The following SHPRH variants were observed in gnomAD, a reference collection of about 807,000 sequenced individuals.
SHPRH encodes the protein SNF2 histone linker PHD RING helicase, also known as E3 ubiquitin-protein ligase SHPRH.
Under a neutral mutation model 202.5 loss-of-function variants are expected in SHPRH, and 106 were observed. That is an observed-to-expected ratio of 0.52 (90% CI 0.45 to 0.62). The LOEUF (loss-of-function observed/expected upper bound fraction) is 0.62, where lower values mean the gene tolerates loss of function less well. SHPRH is among the 20% of genes least tolerant of loss of function. SHPRH has a pLI of 0.00. For synonymous variants in SHPRH, 729 were observed against 686.0 expected, an observed-to-expected ratio of 1.06 and a Z score of -0.98; for missense variants, 1,710 against 2,020.0, an observed-to-expected ratio of 0.85 and a Z score of 2.94.
chr6:145,925,314 A>C (rs180673006), intron 16 of SHPRH, among the ~76,000 whole-genome samples: 41 of 150,270 alleles, frequency 2.7e-4, no homozygotes, highest in Admixed American at 8.1e-4. Context: ...CTGAAGCCCT[A>C]AGAAAGTAGA....
Position 145,950,917 on chromosome 6 carries a change from G to T in SHPRH, c.764-435C>A, listed in dbSNP as rs150460437. ...TTTATAAACATTTGAGGAACTCAAT[G>T]TGAATACTGTTTGAAGTTTATATAG... On this transcript the variant is annotated intron_variant, in intron 3 of 29. Transcript: ENST00000275233. Among the ~76,000 whole-genome samples, 670 of 152,186 alleles carry T rather than the reference G, an allele frequency of 4.4e-3. 5 individuals are homozygous for T. Among genetic ancestry groups the T allele is most frequent in the African/African-American group, 0.015 (619 of 41,528 alleles).
chr6:145,902,428 A>C (rs1191912266), intron 25 of SHPRH, among the ~76,000 whole-genome samples: 1 of 152,152 alleles, frequency 6.6e-6, no homozygotes, highest in African/African-American at 2.4e-5. Context: ...ACTTTGAATT[A>C]CAAGTTGTTA....
rs373394990 is a variant in SHPRH at position 145,869,125 on chromosome 6, G to A, written c.222-4634C>T. Among the ~76,000 whole-genome samples, 42 of 152,204 alleles carry A rather than the reference G, an allele frequency of 2.8e-4. 1 individual carries two copies. In the South Asian group the frequency reaches 4.6e-3, roughly 17 times the overall value. On this transcript the variant is annotated intron_variant, in intron 2 of 2. Transcript: ENST00000417762. Reference sequence around the variant, plus strand: ...ATCTTGTTTCAATCTGCATTTCCCCGATGCATTCACCATCTATTTCCTTTT... The same window carrying A: ...ATCTTGTTTCAATCTGCATTTCCCCAATGCATTCACCATCTATTTCCTTTT...
intron 17 of SHPRH, 93 bp downstream of exon 17, chr6:145,924,646 A>AT (rs1450858358): frequency 1.0e-5 from 10 of 990,962 alleles, no homozygotes; most frequent in Admixed American, 2.0e-5. Context: ...TTCAAAATGT[A>AT]TAAGAAATTC....
chr6:145,862,431 AAC>A (rs1484756145), downstream of SHPRH, among the ~76,000 whole-genome samples: 1 of 140,734 alleles, frequency 7.1e-6, no homozygotes, highest in Non-Finnish European at 1.5e-5. Context: ...AACAAAACAA[AAC>A]AAAACAAAAA....
At chr6:145,949,396 C>T (rs542790733) in intron 4 of SHPRH, among the ~76,000 whole-genome samples, 6 of 152,110 alleles carry the variant, frequency 3.9e-5, no homozygotes, top group African/African-American at 1.4e-4. Context: ...CCATGGAATA[C>T]TATACAGCCA....
At position 145,894,249 on chromosome 6, in the gene SHPRH, AAAC is replaced by A; in HGVS notation, c.4609-16_4609-14del. 5.1e-6 allele frequency: 8 copies of A among 1,565,382 alleles called. No individual in the cohort carries two copies. The highest frequency in any genetic ancestry group is 6.9e-6 in the Non-Finnish European group (8 of 1,155,846). On this transcript the variant is annotated splice_polypyrimidine_tract_variant and intron_variant, in intron 26 of 29. Transcript: ENST00000275233. ...ATACATCTTGCCACTAGAACACATA[AAAC>A]AATAAGAAAACCAATATTTACACGT... is the stretch of plus-strand genomic sequence containing the variant.
At chr6:145,906,482 G>T (rs1782971090) in intron 25 of SHPRH, 1 of 152,020 alleles carries the variant, frequency 6.6e-6, no homozygotes, top group East Asian at 1.9e-4. Context: ...ATTTATACCT[G>T]TTATTTGACT....
chr6:145,927,278 C>G lies in SHPRH; in HGVS notation c.3113-1G>C. On this transcript the variant is annotated splice_acceptor_variant, in intron 14 of 29. Transcript: ENST00000275233. LOFTEE classifies it high-confidence loss of function. ...AATTCTGCTGCCAAGGCATACTCACCTAAAGAATTAAAATGTATTTAAAGC... is the reference window on the plus strand; with the variant it reads ...AATTCTGCTGCCAAGGCATACTCACGTAAAGAATTAAAATGTATTTAAAGC... 1 of 1,610,550 alleles carries G rather than the reference C, an allele frequency of 6.2e-7. No individual in the cohort carries two copies. Among genetic ancestry groups the G allele is most frequent in the Non-Finnish European group, 8.5e-7 (1 of 1,178,210 alleles).
intron 17 of SHPRH, 72 bp from the exon 18 acceptor site, chr6:145,923,857 G>A: frequency 1.4e-6 from 2 of 1,461,696 alleles, no homozygotes; most frequent in Non-Finnish European, 1.8e-6. Context: ...TCACTGGGCA[G>A]GGTGATGCCA....
Position 145,924,829 on chromosome 6 carries a change from C to T in SHPRH, c.3312G>A (p.Glu1104=). Residue 1104 remains glutamate (E), a synonymous_variant, in exon 17 of 30, where the codon GAG becomes GAA. Transcript: ENST00000275233. ...CTGTATTACACTTGCTCATGTAGTG[C>T]TCTCGCAGCTGTTTGGCCTGTGTTG... is the stretch of plus-strand genomic sequence containing the variant. ...RLEEEAKQLR[E]HYMSKCNTEV... is the part of the protein sequence containing the mutation. 3 of 1,611,350 alleles carry T rather than the reference C, an allele frequency of 1.9e-6. No homozygotes were observed. Among genetic ancestry groups the T allele is most frequent in the Non-Finnish European group, 2.5e-6 (3 of 1,178,206 alleles).
Position 145,893,326 on chromosome 6 carries a change from G to T in SHPRH, c.4763C>A (p.Ser1588Tyr). ...TGCTTCAATGATAGTTAATCCATTA[G>T]AACCTGTGTGCAGGGGCAGCAGCAA... ...NILLLPLHTG[S>Y]NGLTIIEATH... is the part of the protein sequence containing the mutation. Residue 1588 changes from serine (S) to tyrosine (Y), a missense_variant, in exon 28 of 30, where the codon TCT becomes TAT. Ser to Tyr is a moderately radical substitution (Grantham distance 144). This residue lies in a region of SHPRH where 306 missense variants were observed against 479.5 expected (regional missense o/e 0.64). Coordinates refer to ENST00000275233, the MANE Select transcript of SHPRH (RefSeq NM_001042683.3). 6.2e-7 allele frequency: 1 copy of T among 1,603,706 alleles called. No homozygotes were observed. Among genetic ancestry groups the T allele is most frequent in the South Asian group, 1.1e-5 (1 of 89,422 alleles).
At chr6:145,908,538 G>A (rs1371042425) in intron 25 of SHPRH, 1 of 152,054 alleles carries the variant, frequency 6.6e-6, no homozygotes, top group East Asian at 1.9e-4. Flanking sequence ...TTTCATGTTT[G>A]TTGGCCACGT....
At position 145,940,774 on chromosome 6, in the gene SHPRH, C is replaced by A; in HGVS notation, c.2518G>T (p.Gly840Trp). Residue 840 changes from glycine to tryptophan, a missense_variant, in exon 11 of 30, where the codon GGG (glycine) becomes TGG (tryptophan). Transcript: ENST00000275233. Reference protein sequence around the residue: ...KAAEMAQRLSGINRWCISGTP... With the variant: ...KAAEMAQRLSWINRWCISGTP... The stretch of plus-strand genomic sequence containing the variant: ...CCACTGATACACCATCGATTAATCC[C>A]ACTCAAACGCTGGGCCATTTCTGCA... The A allele has an allele frequency of 6.2e-7, 1 of 1,613,796 alleles. No homozygotes were observed. Among genetic ancestry groups the A allele is most frequent in the Non-Finnish European group, 8.5e-7 (1 of 1,179,850 alleles).
At chr6:145,868,318 A>G (rs1004686627) in intron 2 of SHPRH, among the ~76,000 whole-genome samples, 1 of 152,202 alleles carries the variant, frequency 6.6e-6, no homozygotes, top group Non-Finnish European at 1.5e-5. Context: ...TCAACGTACA[A>G]CTTTTTTGAA....
chr6:145,889,407 A>G (rs957385430), intron 28 of SHPRH, among the ~76,000 whole-genome samples: 2 of 152,104 alleles, frequency 1.3e-5, no homozygotes, highest in African/African-American at 2.4e-5. Context: ...AAAGATGGAT[A>G]ATATTAAGAC....
Position 145,926,290 on chromosome 6 carries a change from G to T in SHPRH, c.3208C>A (p.His1070Asn). The T allele has an allele frequency of 6.2e-7, 1 of 1,612,604 alleles. No individual in the cohort carries two copies. Among genetic ancestry groups the T allele is most frequent in the Non-Finnish European group, 8.5e-7 (1 of 1,179,038 alleles). ...AATTCCATCAAGTTATGGGTAGCAT[G>T]AAGTCTCTACAAACATATCAAAGGC... is the stretch of plus-strand genomic sequence containing the variant. Reference protein sequence around the residue: ...KLKTDSLQRLHATHNLMELLI... With the variant: ...KLKTDSLQRLNATHNLMELLI... The change falls in exon 16 of 30, where the codon CAT becomes AAT. Residue 1070 changes from histidine to asparagine, a missense_variant. Around this residue, in one of 8 missense-constraint regions of SHPRH, gnomAD observed 288 missense variants for 317.8 expected, o/e 0.91. Transcript: ENST00000275233.
Position 145,886,689 on chromosome 6 carries a change from G to T in SHPRH, c.*2C>A, listed in dbSNP as rs367556619. ...AAGTCCATGGAATGAATCAAGTGTA[G>T]TTCATTCAAGCTCTTCAGTTTCTTT... On this transcript the variant is annotated 3_prime_UTR_variant, in exon 30 of 30. Transcript: ENST00000275233. 1 of 1,613,050 alleles carries T rather than the reference G, an allele frequency of 6.2e-7. No individual in the cohort carries two copies. Among genetic ancestry groups the T allele is most frequent in the Non-Finnish European group, 8.5e-7 (1 of 1,179,470 alleles).
intron 25 of SHPRH, chr6:145,910,190 G>A: frequency 2.8e-6 from 1 of 360,870 alleles, no homozygotes; most frequent in Non-Finnish European, 5.1e-6. Context: ...ATAGGAAACT[G>A]TAATTTTAAG....
Sources: gnomAD v4.1 joint callset for allele counts (sites outside exome capture counted in the v4.1 genomes callset) on GRCh38, gnomAD v4.1.1 for gene constraint, gnomAD v4.1.1 regional missense constraint, MANE v1.5 for transcripts, NCBI Gene and HGNC (gene_info 2026-07-23, HGNC 2026-07-21) for gene names.